TESK2: variants seen among roughly 807,000 people sequenced by gnomAD.
TESK2 encodes testis associated actin remodelling kinase 2.
Under a neutral mutation model 57.1 loss-of-function variants are expected in TESK2, and 39 were observed. The observed-to-expected ratio is 0.68, with a 90% CI of 0.53 to 0.89. The LOEUF is 0.89. Among genes scored for constraint, TESK2 ranks in the 40% least tolerant of loss-of-function variants. TESK2 has a pLI of 0.00. For synonymous variants in TESK2, 249 were observed against 267.9 expected (o/e 0.93, Z 0.69); for missense variants, 646 against 732.1 (o/e 0.88, Z 1.36).
At chr1:45,360,270 C>T (rs1467997292) in intron 4 of TESK2, among the ~76,000 whole-genome samples, 2 of 152,116 alleles carry the variant, frequency 1.3e-5, no homozygotes, top group Non-Finnish European at 2.9e-5. Context: ...GTGAAGCTGA[C>T]ATCTAATCAT....
chr1:45,371,771 G>A (rs1053002839), intron 4 of TESK2, among the ~76,000 whole-genome samples: 1 of 152,150 alleles, frequency 6.6e-6, no homozygotes, highest in African/African-American at 2.4e-5. Flanking sequence ...GGGAGGCTGA[G>A]GTGGGAGAAT....
At chr1:45,414,038 C>T (rs1003754870) in intron 3 of TESK2, among the ~76,000 whole-genome samples, 4 of 152,240 alleles carry the variant, frequency 2.6e-5, no homozygotes, top group Non-Finnish European at 4.4e-5. Context: ...AAAACATAGT[C>T]ATGCTTAGTT....
intron 2 of TESK2, among the ~76,000 whole-genome samples, chr1:45,455,462 A>G (rs1374788270): frequency 1.3e-5 from 2 of 152,138 alleles, no homozygotes; most frequent in African/African-American, 4.8e-5. Flanking sequence ...CTTACGGGAG[A>G]TGAATTTGAG....
intron 4 of TESK2, among the ~76,000 whole-genome samples, chr1:45,379,951 T>C (rs1015236630): frequency 2.0e-5 from 3 of 151,684 alleles, no homozygotes; most frequent in African/African-American, 7.3e-5. Flanking sequence ...TTGGCTAGAG[T>C]GTAGTGGCAT....
At chr1:45,447,770 G>A (rs1176553731) in intron 2 of TESK2, among the ~76,000 whole-genome samples, 2 of 151,836 alleles carry the variant, frequency 1.3e-5, no homozygotes, top group African/African-American at 4.8e-5. Flanking sequence ...CACCGTCACG[G>A]GTAATACATT....
intron 3 of TESK2, among the ~76,000 whole-genome samples, chr1:45,398,070 G>A (rs1222457770): frequency 6.6e-6 from 1 of 151,918 alleles, no homozygotes; most frequent in Admixed American, 6.6e-5. Context: ...ATCTCACCTG[G>A]CTAATTTTTT....
chr1:45,488,992 G>A (rs72896201), intron 1 of TESK2, among the ~76,000 whole-genome samples: 8,103 of 152,012 alleles, frequency 0.053, 713 homozygotes, highest in African/African-American at 0.18. Flanking sequence ...GAGAAATCCC[G>A]TCTCTACAAA....
chr1:45,436,084 G>A (rs1651196534), intron 2 of TESK2, among the ~76,000 whole-genome samples: 1 of 150,290 alleles, frequency 6.7e-6, no homozygotes. Flanking sequence ...TGTTCTTTTT[G>A]CTCAGGACTG....
At chr1:45,419,099 T>G (rs1371083710) in intron 3 of TESK2, among the ~76,000 whole-genome samples, 2 of 151,586 alleles carry the variant, frequency 1.3e-5, no homozygotes, top group Non-Finnish European at 2.9e-5. Flanking sequence ...TGCCTCAGCC[T>G]CCCGAGTAGC....
At chr1:45,456,052 G>T (rs1309939985) in intron 2 of TESK2, among the ~76,000 whole-genome samples, 2 of 151,768 alleles carry the variant, frequency 1.3e-5, no homozygotes, top group Non-Finnish European at 2.9e-5. Flanking sequence ...AATTAGCTGG[G>T]CATGGTGTCA....
chr1:45,410,133 G>A (rs1373491344), intron 3 of TESK2, among the ~76,000 whole-genome samples: 1 of 151,952 alleles, frequency 6.6e-6, no homozygotes, highest in Non-Finnish European at 1.5e-5. Flanking sequence ...TCCAGCCTGG[G>A]TGACAGAGTG....
intron 3 of TESK2, 121 bp downstream of exon 3, chr1:45,421,604 C>G (rs1650480461): frequency 7.1e-7 from 1 of 1,402,772 alleles, no homozygotes; most frequent in Non-Finnish European, 9.7e-7. Flanking sequence ...CACTAAACCC[C>G]AGCAAGATAG....
chr1:45,397,719 T>G (rs971321583), intron 3 of TESK2, among the ~76,000 whole-genome samples: 1 of 152,196 alleles, frequency 6.6e-6, no homozygotes, highest in Non-Finnish European at 1.5e-5. Flanking sequence ...CTTCTAAATA[T>G]GTCCTGAATC....
chr1:45,449,956 G>A (rs1003769873), intron 2 of TESK2, among the ~76,000 whole-genome samples: 5 of 152,024 alleles, frequency 3.3e-5, no homozygotes, highest in Admixed American at 1.3e-4. Context: ...TGAATAGACA[G>A]AACAATGGAA....
At chr1:45,347,850 A>C in intron 6 of TESK2, 68 bp downstream of exon 6, 1 of 1,468,794 alleles carries the variant, frequency 6.8e-7, no homozygotes, top group Admixed American at 1.7e-5. Context: ...TCTGGGGAGG[A>C]GGCTAGAATT....
At chr1:45,428,617 C>A (rs1650796721) in intron 2 of TESK2, among the ~76,000 whole-genome samples, 1 of 151,990 alleles carries the variant, frequency 6.6e-6, no homozygotes, top group Admixed American at 6.6e-5. Flanking sequence ...ATCCTCCCAC[C>A]TCAGCCACTT....
chr1:45,429,332 G>T (rs1650852372), intron 2 of TESK2, among the ~76,000 whole-genome samples: 1 of 151,946 alleles, frequency 6.6e-6, no homozygotes, highest in African/African-American at 2.4e-5. Flanking sequence ...AGAGGCAGAG[G>T]TTGCAGTGAG....
intron 2 of TESK2, among the ~76,000 whole-genome samples, chr1:45,423,280 G>A (rs1374846944): frequency 1.3e-5 from 2 of 152,070 alleles, no homozygotes; most frequent in Admixed American, 6.6e-5. Flanking sequence ...TCCATAGGCC[G>A]GGCACAGTGG....
intron 1 of TESK2, among the ~76,000 whole-genome samples, chr1:45,479,929 TCTC>T (rs1653148336): frequency 6.7e-6 from 1 of 149,974 alleles, no homozygotes; most frequent in Non-Finnish European, 1.5e-5. Context: ...TTCAAGCCAT[TCTC>T]CTGTCTCAGC....
Sources: gnomAD v4.1 joint callset for allele counts (sites outside exome capture counted in the v4.1 genomes callset) on GRCh38, gnomAD v4.1.1 for gene constraint, MANE v1.5 for transcripts, NCBI Gene and HGNC (gene_info 2026-07-23, HGNC 2026-07-21) for gene names.